DNAH17: variants seen among roughly 807,000 people sequenced by gnomAD.
DNAH17 encodes the protein dynein axonemal heavy chain 17.
In DNAH17, 376 loss-of-function variants were observed where a neutral mutation model predicts 485.6. That is an observed-to-expected ratio of 0.77 (90% CI 0.71 to 0.84). The LOEUF (loss-of-function observed/expected upper bound fraction) is 0.84. Ranked by LOEUF, DNAH17 falls within the 40% of genes least tolerant of loss-of-function variation. DNAH17 has a pLI of 0.00. For missense variants in DNAH17, 6,370 were observed against 5,839.3 expected (o/e 1.09, Z -2.96); for synonymous variants, 3,031 against 2,405.9 (o/e 1.26, Z -7.60).
At chr17:78,468,189 TA>T (rs2088575373) in intron 55 of DNAH17, among the ~76,000 whole-genome samples, 1 of 151,580 alleles carries the variant, frequency 6.6e-6, no homozygotes, top group South Asian at 2.1e-4. Flanking sequence ...ATAATACAAA[TA>T]AAAATATAGT....
chr17:78,566,509 GC>G, intron 11 of DNAH17, 104 bp downstream of exon 11: 1 of 838,652 alleles, frequency 1.2e-6, no homozygotes, highest in Non-Finnish European at 1.9e-6. Flanking sequence ...CTGGACATCA[GC>G]TCTACATGGA....
intron 71 of DNAH17, among the ~76,000 whole-genome samples, chr17:78,443,731 G>C (rs569369535): frequency 6.6e-6 from 1 of 152,216 alleles, no homozygotes; most frequent in East Asian, 1.9e-4. Context: ...TAGACTTTTT[G>C]TAGAGATGGG....
Position 78,464,317 on chromosome 17 carries a change from T to C in DNAH17, c.8941-1240A>G, listed in dbSNP as rs58482111. Among the ~76,000 whole-genome samples, 865 of 152,328 alleles carry C rather than the reference T, an allele frequency of 5.7e-3. 9 individuals carry two copies. The highest frequency in any genetic ancestry group is 0.019 in the African/African-American group (793 of 41,564). On this transcript the variant is annotated intron_variant, in intron 56 of 80. Transcript: ENST00000389840. ...CTCTATTGCCCAGGCTAGAGTGCAGTGGCACAATCTTGGCTTACTGAAACT... is the reference window on the plus strand; with the variant it reads ...CTCTATTGCCCAGGCTAGAGTGCAGCGGCACAATCTTGGCTTACTGAAACT...
At chr17:78,476,834 A>T (rs1240229253) in intron 51 of DNAH17, 101 bp from the exon 52 acceptor site, 1 of 1,383,222 alleles carries the variant, frequency 7.2e-7, no homozygotes, top group Non-Finnish European at 9.7e-7. Context: ...CCCCGGGGCG[A>T]GGGGACCTGT....
At chr17:78,468,578 G>A (rs900412617) in intron 55 of DNAH17, 39 bp downstream of exon 55, 4 of 1,593,844 alleles carry the variant, frequency 2.5e-6, no homozygotes, top group African/African-American at 2.7e-5. Flanking sequence ...CGGGCACCAA[G>A]CTGGGCTCTT....
intron 50 of DNAH17, 119 bp from the exon 51 acceptor site, chr17:78,479,235 G>A (rs949309187): frequency 8.4e-5 from 94 of 1,114,530 alleles, no homozygotes; most frequent in Middle Eastern, 8.0e-4. Context: ...TAAGAAATCT[G>A]CACAGCTCTT....
rs61746088 is a variant in DNAH17 at position 78,543,959 on chromosome 17, A to G, written c.2430T>C (p.Asn810=). 4,618 of 1,613,934 alleles carry G rather than the reference A, an allele frequency of 2.9e-3. 95 individuals are homozygous for G. In the African/African-American group the frequency reaches 0.044, roughly 15 times the overall value. Reference sequence around the variant, plus strand: ...CCAAGTCTAACAGGGCCTCTTTCTTATTGTCCTTTCTTTCAAACAGCGGGT... The same window carrying G: ...CCAAGTCTAACAGGGCCTCTTTCTTGTTGTCCTTTCTTTCAAACAGCGGGT... ...SANPLFERKD[N]KKEALLDLDG... is the part of the protein sequence containing the mutation. Residue 810 remains asparagine, a synonymous_variant, in exon 17 of 81, where the codon AAT becomes AAC. Coordinates refer to ENST00000389840, the MANE Select transcript of DNAH17 (RefSeq NM_173628.4).
At position 78,500,410 on chromosome 17, in the gene DNAH17, A is replaced by G. The variant is rs2028734; in HGVS notation, c.5535T>C (p.Pro1845=). The part of the protein sequence containing the change: ...QSLHLIMGGA[P]AGPAGTGKTE... ...TCTTGCCGGTCCCAGCGGGGCCGGCAGGGGCTCCACCCATGATGAGATGGA... is the reference window on the plus strand; with the variant it reads ...TCTTGCCGGTCCCAGCGGGGCCGGCGGGGGCTCCACCCATGATGAGATGGA... Residue 1845 remains proline (P), a synonymous_variant, in exon 36 of 81, where the codon CCT becomes CCC. Transcript: ENST00000389840. The G allele has an allele frequency of 0.83, 1,344,051 of 1,610,380 alleles. 563,323 individuals are homozygous for G. The highest frequency in any genetic ancestry group is 0.99 in the East Asian group (44,215 of 44,806).
Position 78,502,707 on chromosome 17 carries a change from A to T in DNAH17, c.5083-9T>A. 1.9e-6 allele frequency: 3 copies of T among 1,610,242 alleles called. No homozygotes were observed. Among genetic ancestry groups the T allele is most frequent in the Non-Finnish European group, 1.7e-6 (2 of 1,179,550 alleles). ...GTGCAAGTCAGGGCCACCTGAAAGT[A>T]CATACCCCCCATTGCCCACGCAGTG... is the stretch of plus-strand genomic sequence containing the variant. On this transcript the variant is annotated splice_polypyrimidine_tract_variant and intron_variant, in intron 32 of 80. Coordinates refer to ENST00000389840, the MANE Select transcript of DNAH17 (RefSeq NM_173628.4).
intron 12 of DNAH17, 148 bp downstream of exon 12, chr17:78,561,566 AC>A: frequency 1.1e-6 from 1 of 930,534 alleles, no homozygotes; most frequent in Non-Finnish European, 1.5e-6. Flanking sequence ...AGGAGGGAGG[AC>A]CAGAAGGGGT....
intron 55 of DNAH17, among the ~76,000 whole-genome samples, chr17:78,468,158 G>GT (rs1568099424): frequency 1.0e-5 from 1 of 100,060 alleles, no homozygotes; most frequent in East Asian, 3.9e-4. Flanking sequence ...ACTGAAAATT[G>GT]TTAAAAAAAA....
chr17:78,484,749 C>T, intron 48 of DNAH17, 119 bp downstream of exon 48: 2 of 467,226 alleles, frequency 4.3e-6, no homozygotes, highest in Non-Finnish European at 6.5e-6. Context: ...ACCCCCCCCA[C>T]CGCCCCACAC....
chr17:78,449,840 A>T (rs2087470203), intron 68 of DNAH17: 3 of 450,902 alleles, frequency 6.7e-6, no homozygotes, highest in Non-Finnish European at 1.2e-5. Context: ...CACCTGGCTA[A>T]TTTTTTTTTA....
At chr17:78,492,456 C>A (rs1048158610) in intron 42 of DNAH17, among the ~76,000 whole-genome samples, 177 bp downstream of exon 42, 2 of 152,192 alleles carry the variant, frequency 1.3e-5, no homozygotes, top group Non-Finnish European at 2.9e-5. Context: ...CCGGGTGCTA[C>A]GTGCCCACTG....
chr17:78,431,553 T>G (rs774897760), intron 75 of DNAH17, among the ~76,000 whole-genome samples: 4 of 150,654 alleles, frequency 2.7e-5, no homozygotes, highest in South Asian at 2.1e-4. Flanking sequence ...CAGACTTTTG[T>G]GTTCCGTTCG....
At chr17:78,465,589 C>G (rs1173628010) in intron 56 of DNAH17, among the ~76,000 whole-genome samples, 2 of 147,606 alleles carry the variant, frequency 1.4e-5, no homozygotes, top group East Asian at 4.1e-4. Context: ...GCCGCCCCAT[C>G]TGGGATGTGA....
chr17:78,546,060 G>A (rs1223750654), intron 16 of DNAH17, among the ~76,000 whole-genome samples: 3 of 151,630 alleles, frequency 2.0e-5, no homozygotes, highest in Non-Finnish European at 4.4e-5. Flanking sequence ...CTGCAGCCTC[G>A]ACCTCCCAGG....
At chr17:78,454,770 T>C (rs2087717189) in intron 63 of DNAH17, 65 bp from the exon 64 acceptor site, 9 of 1,394,332 alleles carry the variant, frequency 6.5e-6, no homozygotes, top group Non-Finnish European at 8.9e-6. Context: ...AGAAAATAGC[T>C]CTCCAAATAA....
chr17:78,424,444 T>C (rs182265363), intron 80 of DNAH17: 280 of 376,866 alleles, frequency 7.4e-4, no homozygotes, highest in Non-Finnish European at 1.2e-3. Context: ...TTAATGTCAG[T>C]GGCAGGAAGT....
Sources: allele counts gnomAD v4.1 joint callset (sites outside exome capture counted in the v4.1 genomes callset), GRCh38; gene constraint gnomAD v4.1.1; transcripts MANE v1.5; gene names NCBI Gene and HGNC (gene_info 2026-07-23, HGNC 2026-07-21).